Variants in ELOVL5 observed in about 807,000 individuals in gnomAD.
ELOVL5 encodes very long chain fatty acid elongase 5.
In ELOVL5, 8 loss-of-function variants were observed where a neutral mutation model predicts 38.6. That is an observed-to-expected ratio of 0.21 (90% CI 0.12 to 0.37). The LOEUF (loss-of-function observed/expected upper bound fraction) is 0.37, where lower values mean the gene tolerates loss of function less well. Among genes scored for constraint, ELOVL5 ranks in the 10% least tolerant of loss-of-function variants. The pLI is 1.00. For missense variants in ELOVL5, 280 were observed against 367.8 expected (o/e 0.76, Z 1.95); for synonymous variants, 127 against 133.7 (o/e 0.95, Z 0.34).
intron 1 of ELOVL5, 119 bp downstream of exon 1, chr6:53,348,698 G>C: frequency 2.7e-6 from 1 of 367,970 alleles, no homozygotes. Flanking sequence ...GCTCTTTCTC[G>C]GCACCAGGTC....
In ELOVL5 at chr6:53,343,717, T is replaced by C. The variant is rs758655928; in HGVS notation, c.-9+5100A>G. Among the ~76,000 whole-genome samples, 4 of 152,256 alleles carry C rather than the reference T, an allele frequency of 2.6e-5. No homozygotes were observed. The East Asian group carries it at 5.8e-4, about 22-fold the overall frequency. ...AAGAAACCAAGGCAGCCAGATTCTA[T>C]ACAAGAATGAGGCACCCTACTTAAA... On this transcript the variant is annotated intron_variant, in intron 1 of 7. Transcript: ENST00000304434.
chr6:53,306,031 G>A (rs1321280610), intron 1 of ELOVL5, among the ~76,000 whole-genome samples: 45 of 151,458 alleles, frequency 3.0e-4, no homozygotes, highest in Non-Finnish European at 5.7e-4. Context: ...GCGAAACCCC[G>A]TCTCCACCAA....
chr6:53,324,406 T>C (rs1424904446), intron 1 of ELOVL5, among the ~76,000 whole-genome samples: 1 of 151,980 alleles, frequency 6.6e-6, no homozygotes, highest in African/African-American at 2.4e-5. Context: ...CCAGGCACAG[T>C]GGCTCACAGC....
chr6:53,348,349 C>A (rs1208403889), intron 1 of ELOVL5, among the ~76,000 whole-genome samples: 5 of 151,576 alleles, frequency 3.3e-5, no homozygotes, highest in Non-Finnish European at 5.9e-5. Flanking sequence ...TTCGAACTCA[C>A]CCGGGTTTCG....
chr6:53,331,523 AT>A (rs1179861681), intron 1 of ELOVL5, among the ~76,000 whole-genome samples: 6 of 152,276 alleles, frequency 3.9e-5, no homozygotes, highest in Non-Finnish European at 8.8e-5. Context: ...GCCCTAGGAC[AT>A]TAAGATGACC....
At chr6:53,276,116 A>G (rs1766106371) in intron 4 of ELOVL5, 63 bp downstream of exon 4, 1 of 1,169,880 alleles carries the variant, frequency 8.5e-7, no homozygotes, top group Admixed American at 2.0e-5. Flanking sequence ...TTTGTATTTT[A>G]TACAATTTAT....
At chr6:53,330,544 G>T (rs1402230797) in intron 1 of ELOVL5, among the ~76,000 whole-genome samples, 1 of 33,644 alleles carries the variant, frequency 3.0e-5, no homozygotes, top group East Asian at 1.1e-3. Flanking sequence ...TTTTTTTTAG[G>T]GACAGAGTCT....
chr6:53,295,571 G>T, intron 2 of ELOVL5, 71 bp downstream of exon 2: 1 of 955,070 alleles, frequency 1.0e-6, no homozygotes, highest in Admixed American at 2.6e-5. Flanking sequence ...ATCTCCTCAT[G>T]CAATATTTAC....
chr6:53,294,327 G>T (rs1377772470), intron 2 of ELOVL5: 6 of 1,576,316 alleles, frequency 3.8e-6, no homozygotes, highest in African/African-American at 1.3e-5. Flanking sequence ...GAGTTTTGAG[G>T]GATGACAGCT....
At chr6:53,294,164 A>T in intron 2 of ELOVL5, 2 of 1,422,146 alleles carry the variant, frequency 1.4e-6, no homozygotes, top group Non-Finnish European at 1.8e-6. Context: ...ATTGGCACAT[A>T]TTCATCCTCC....
At position 53,329,194 on chromosome 6, in the gene ELOVL5, A is replaced by G. The variant is rs571989096; in HGVS notation, c.-9+19623T>C. On this transcript the variant is annotated intron_variant, in intron 1 of 7. Transcript: ENST00000304434. ...TAAAGTATAACTAACTACTACTACTACTACTGCTACTGCTACTGCTACTGC... is the reference window on the plus strand; with the variant it reads ...TAAAGTATAACTAACTACTACTACTGCTACTGCTACTGCTACTGCTACTGC... Among the ~76,000 whole-genome samples the G allele has an allele frequency of 3.2e-3, 487 of 151,480 alleles. 2 individuals are homozygous for G. The highest frequency in any genetic ancestry group is 5.5e-3 in the Non-Finnish European group (372 of 67,826).
chr6:53,286,309 C>A (rs754646486), intron 3 of ELOVL5, among the ~76,000 whole-genome samples: 42 of 152,182 alleles, frequency 2.8e-4, no homozygotes, highest in Non-Finnish European at 4.7e-4. Context: ...CACCTGTAAT[C>A]CTAGCACTTT....
chr6:53,341,649 T>C (rs576121349), intron 1 of ELOVL5, among the ~76,000 whole-genome samples: 25 of 152,342 alleles, frequency 1.6e-4, no homozygotes, highest in African/African-American at 6.0e-4. Context: ...TCAGTACCCA[T>C]AGAACAGCTT....
At chr6:53,325,993 T>C (rs986519430) in intron 1 of ELOVL5, among the ~76,000 whole-genome samples, 7 of 152,164 alleles carry the variant, frequency 4.6e-5, no homozygotes, top group Admixed American at 1.3e-4. Context: ...CAAGTGGCAT[T>C]TGGCCAGGTT....
intron 1 of ELOVL5, among the ~76,000 whole-genome samples, chr6:53,304,421 C>A (rs1767394925): frequency 1.4e-5 from 2 of 144,514 alleles, no homozygotes; most frequent in East Asian, 2.0e-4. Context: ...TGTACACACA[C>A]AAACACACAC....
intron 1 of ELOVL5, among the ~76,000 whole-genome samples, chr6:53,297,569 G>A (rs536091485): frequency 3.8e-4 from 58 of 152,194 alleles, no homozygotes; most frequent in African/African-American, 1.1e-3. Flanking sequence ...CCTCAGGATC[G>A]AAGTGCTCAT....
At chr6:53,336,427 A>C (rs897317652) in intron 1 of ELOVL5, among the ~76,000 whole-genome samples, 1 of 152,222 alleles carries the variant, frequency 6.6e-6, no homozygotes, top group Non-Finnish European at 1.5e-5. Flanking sequence ...TGGGAGGCTG[A>C]AGCAGGCAGA....
intron 1 of ELOVL5, among the ~76,000 whole-genome samples, chr6:53,343,582 C>T (rs189348231): frequency 1.2e-4 from 18 of 151,924 alleles, no homozygotes; most frequent in African/African-American, 3.9e-4. Flanking sequence ...AGAAACAAAA[C>T]AAAAATAAAA....
At position 53,326,667 on chromosome 6, in the gene ELOVL5, A is replaced by G. The variant is rs183110829; in HGVS notation, c.-9+22150T>C. On this transcript the variant is annotated intron_variant, in intron 1 of 7. Transcript: ENST00000304434. ...TGTACATTCTAATCATACTCCAAAT[A>G]CAAATTATTTAACCTGTGGTTAACA... 3.7e-3 allele frequency among the ~76,000 whole-genome samples: 562 copies of G among 152,244 alleles called. 2 individuals are homozygous for G. Among genetic ancestry groups the G allele is most frequent in the African/African-American group, 0.013 (532 of 41,534 alleles).
Sources: gnomAD v4.1 joint callset for allele counts (sites outside exome capture counted in the v4.1 genomes callset) on GRCh38, gnomAD v4.1.1 for gene constraint, MANE v1.5 for transcripts, NCBI Gene and HGNC (gene_info 2026-07-23, HGNC 2026-07-21) for gene names.